The following CHN1 variants were observed in gnomAD, a reference collection of about 807,000 sequenced individuals.
The protein encoded by CHN1 is chimerin 1.
In CHN1, 37 loss-of-function variants were observed where a neutral mutation model predicts 59.5. The ratio of observed to expected loss-of-function variants is 0.62; its 90% CI spans 0.48 to 0.82. CHN1 has a LOEUF of 0.82. CHN1 is among the 40% of genes least tolerant of loss of function. The pLI is 0.00. For missense variants in CHN1, 469 were observed against 571.0 expected, an observed-to-expected ratio of 0.82 and a Z score of 1.82; for synonymous variants, 206 against 200.4, an observed-to-expected ratio of 1.03 and a Z score of -0.24.
intron 5 of CHN1, among the ~76,000 whole-genome samples, chr2:174,904,939 C>T (rs905583024): frequency 7.2e-5 from 11 of 152,168 alleles, no homozygotes; most frequent in African/African-American, 2.4e-4. Context: ...GAGCCAGTCA[C>T]ACTGGGCCAT....
chr2:174,932,454 T>C (rs1689377319), intron 3 of CHN1, among the ~76,000 whole-genome samples: 1 of 152,206 alleles, frequency 6.6e-6, no homozygotes, highest in African/African-American at 2.4e-5. Flanking sequence ...TACAAGAGGC[T>C]GCGAAAATTT....
At chr2:174,874,998 C>T (rs565218106) in intron 6 of CHN1, among the ~76,000 whole-genome samples, 1 of 151,198 alleles carries the variant, frequency 6.6e-6, no homozygotes, top group South Asian at 2.1e-4. Context: ...CTCAGCCTTC[C>T]TAGTAGCTGG....
At chr2:174,918,151 GAAAAAT>G (rs1688903976) in intron 4 of CHN1, among the ~76,000 whole-genome samples, 1 of 151,856 alleles carries the variant, frequency 6.6e-6, no homozygotes, top group African/African-American at 2.4e-5. Context: ...AAGAAAATCT[GAAAAAT>G]AAAAATATAT....
intron 7 of CHN1, among the ~76,000 whole-genome samples, chr2:174,841,324 T>C (rs568582312): frequency 5.9e-5 from 9 of 152,220 alleles, no homozygotes; most frequent in Admixed American, 4.6e-4. Flanking sequence ...AGTGCACAGG[T>C]TCTGTGGTCC....
chr2:174,877,264 T>G (rs1687594500), intron 6 of CHN1, among the ~76,000 whole-genome samples: 1 of 152,194 alleles, frequency 6.6e-6, no homozygotes, highest in Admixed American at 6.5e-5. Flanking sequence ...TTGTCTTTTA[T>G]AATTAAGGAA....
intron 3 of CHN1, among the ~76,000 whole-genome samples, chr2:174,940,262 C>T (rs1245706154): frequency 3.3e-5 from 5 of 152,090 alleles, no homozygotes; most frequent in African/African-American, 9.7e-5. Context: ...CTCCTGATCT[C>T]GTGATCCACC....
At chr2:174,936,735 G>A (rs1689509215) in intron 3 of CHN1, among the ~76,000 whole-genome samples, 1 of 151,882 alleles carries the variant, frequency 6.6e-6, no homozygotes, top group African/African-American at 2.4e-5. Flanking sequence ...AATTTCCAGG[G>A]GTAATTCTGA....
chr2:174,852,652 GAGGTATCAC>G (rs1686773244), intron 6 of CHN1, among the ~76,000 whole-genome samples: 1 of 152,098 alleles, frequency 6.6e-6, no homozygotes, highest in Admixed American at 6.6e-5. Flanking sequence ...AACAAAGCTG[GAGGTATCAC>G]ACTACCTGAC....
At chr2:174,907,131 T>C (rs2105362654) in intron 5 of CHN1, among the ~76,000 whole-genome samples, 1 of 152,324 alleles carries the variant, frequency 6.6e-6, no homozygotes, top group Middle Eastern at 3.4e-3. Flanking sequence ...ATCAGAAGGC[T>C]GCTTGGTGAG....
intron 3 of CHN1, among the ~76,000 whole-genome samples, chr2:174,920,466 A>T (rs972316293): frequency 2.6e-5 from 4 of 152,172 alleles, no homozygotes; most frequent in African/African-American, 9.7e-5. Flanking sequence ...TTCTTACTCA[A>T]AAATGGCAAA....
chr2:174,830,195 T>G (rs965115230), intron 7 of CHN1, among the ~76,000 whole-genome samples: 3 of 151,968 alleles, frequency 2.0e-5, no homozygotes, highest in Non-Finnish European at 4.4e-5. Context: ...ATCGTGCCAC[T>G]GCACTCCAGC....
At chr2:174,855,960 ATTATCTG>A in intron 6 of CHN1, among the ~76,000 whole-genome samples, 4 of 152,206 alleles carry the variant, frequency 2.6e-5, no homozygotes, top group African/African-American at 9.6e-5. Flanking sequence ...TGCCTCTCAT[ATTATCTG>A]TTATTAACAT....
chr2:174,855,886 T>C (rs1686884643), intron 6 of CHN1, among the ~76,000 whole-genome samples: 1 of 152,170 alleles, frequency 6.6e-6, no homozygotes, highest in African/African-American at 2.4e-5. Flanking sequence ...AACTAGTACA[T>C]GATGAAAGTA....
intron 1 of CHN1, among the ~76,000 whole-genome samples, chr2:174,958,463 A>C (rs373010206): frequency 7.9e-5 from 12 of 152,282 alleles, no homozygotes; most frequent in African/African-American, 2.9e-4. Context: ...AGTTGGCCCT[A>C]ACGCCTCACA....
rs1163404388 is a variant in CHN1, at chr2:175,005,226, C to T, written c.-314G>A. The T allele has an allele frequency of 3.3e-6, 4 of 1,197,090 alleles. No homozygotes were observed. Among genetic ancestry groups the T allele is most frequent in the Non-Finnish European group, 2.1e-6 (2 of 963,090 alleles). 74.2% of individuals were successfully genotyped at this position (1,197,090 alleles called of 1,614,324 possible). On this transcript the variant is annotated 5_prime_UTR_variant, in exon 1 of 13. Coordinates refer to ENST00000409900, the MANE Select transcript of CHN1 (RefSeq NM_001822.7). Reference sequence around the variant, plus strand: ...GGTACCTGCGAGGCAGGAGGCTTGGCCGCGGCGCAGTGGCTGGCGGAGAGG... The same window carrying T: ...GGTACCTGCGAGGCAGGAGGCTTGGTCGCGGCGCAGTGGCTGGCGGAGAGG...
intron 3 of CHN1, among the ~76,000 whole-genome samples, chr2:174,940,676 C>T (rs545764632): frequency 6.6e-6 from 1 of 152,162 alleles, no homozygotes; most frequent in African/African-American, 2.4e-5. Context: ...CAGGTGATAC[C>T]GTGTGTTTCA....
intron 3 of CHN1, among the ~76,000 whole-genome samples, chr2:174,932,094 T>C (rs1335236962): frequency 6.6e-6 from 1 of 152,178 alleles, no homozygotes; most frequent in Non-Finnish European, 1.5e-5. Context: ...GTGCTGGGAA[T>C]AGACCATAAG....
At chr2:174,879,472 T>C (rs960911904) in intron 5 of CHN1, among the ~76,000 whole-genome samples, 1 of 152,196 alleles carries the variant, frequency 6.6e-6, no homozygotes, top group Non-Finnish European at 1.5e-5. Flanking sequence ...AAGTGAACTA[T>C]CCATATAATT....
At chr2:174,877,523 T>C (rs1039311102) in intron 6 of CHN1, among the ~76,000 whole-genome samples, 4 of 152,188 alleles carry the variant, frequency 2.6e-5, no homozygotes, top group Non-Finnish European at 5.9e-5. Flanking sequence ...ATAGTAGCTA[T>C]CTTTTCTTGA....
Sources: allele counts gnomAD v4.1 joint callset (sites outside exome capture counted in the v4.1 genomes callset), GRCh38; gene constraint gnomAD v4.1.1; transcripts MANE v1.5; gene names NCBI Gene and HGNC (gene_info 2026-07-23, HGNC 2026-07-21).